The following CSMD1 variants were observed in gnomAD, a reference collection of about 807,000 sequenced individuals.
CSMD1 encodes the protein CUB and Sushi multiple domains 1.
In CSMD1, 213 loss-of-function variants were observed where a neutral mutation model predicts 417.5. The ratio of observed to expected loss-of-function variants is 0.51; its 90% confidence interval spans 0.46 to 0.57. CSMD1 has a LOEUF of 0.57. CSMD1 is among the 20% of genes least tolerant of loss of function. The probability of loss-of-function intolerance (pLI) is 0.00; values close to 1 mark genes in which losing one functional copy is unlikely to be tolerated. For synonymous variants in CSMD1, 2,862 were observed against 1,736.8 expected (o/e 1.65, Z -16.11); for missense variants, 6,923 against 4,529.7 (o/e 1.53, Z -15.17).
At chr8:3,749,611 T>C (rs12680606) in intron 6 of CSMD1, among the ~76,000 whole-genome samples, 34,634 of 152,120 alleles carry the variant, frequency 0.23, 4,455 homozygotes, top group South Asian at 0.38. Flanking sequence ...AATATATTAT[T>C]TGTCTTTGAG....
At chr8:4,066,171 A>T (rs945054906) in intron 3 of CSMD1, among the ~76,000 whole-genome samples, 2 of 152,174 alleles carry the variant, frequency 1.3e-5, no homozygotes, top group African/African-American at 4.8e-5. Flanking sequence ...ATTTCTAAAG[A>T]TTCACATTCA....
chr8:3,512,361 G>A (rs1347246401), intron 10 of CSMD1, among the ~76,000 whole-genome samples: 1 of 152,158 alleles, frequency 6.6e-6, no homozygotes, highest in Non-Finnish European at 1.5e-5. Context: ...ACAGACTTCA[G>A]CTCAGAAATT....
At chr8:4,168,793 C>T (rs1797602182) in intron 3 of CSMD1, among the ~76,000 whole-genome samples, 1 of 152,056 alleles carries the variant, frequency 6.6e-6, no homozygotes, top group Admixed American at 6.6e-5. Context: ...TCTCCTCTTC[C>T]CTTTCATTTT....
At chr8:4,108,195 A>G (rs897612888) in intron 3 of CSMD1, among the ~76,000 whole-genome samples, 3 of 152,116 alleles carry the variant, frequency 2.0e-5, no homozygotes, top group Non-Finnish European at 4.4e-5. Context: ...ACTCTATGGG[A>G]AACAAATCAA....
intron 10 of CSMD1, among the ~76,000 whole-genome samples, chr8:3,547,448 G>T (rs1278494043): frequency 6.6e-6 from 1 of 152,082 alleles, no homozygotes; most frequent in African/African-American, 2.4e-5. Context: ...ATGTATAAAC[G>T]GATCAGTAGG....
chr8:3,639,382 A>T (rs572248722), intron 7 of CSMD1, among the ~76,000 whole-genome samples: 1 of 152,348 alleles, frequency 6.6e-6, no homozygotes, highest in East Asian at 1.9e-4. Flanking sequence ...TGAATGAGTG[A>T]GGGTTCATCA....
chr8:3,216,675 A>G (rs776866184), intron 29 of CSMD1, among the ~76,000 whole-genome samples: 1 of 152,144 alleles, frequency 6.6e-6, no homozygotes, highest in African/African-American at 2.4e-5. Context: ...TTTGCTTACA[A>G]TTTGCCAGGC....
intron 2 of CSMD1, among the ~76,000 whole-genome samples, chr8:4,531,251 G>C (rs905753606): frequency 1.3e-5 from 2 of 152,126 alleles, no homozygotes; most frequent in African/African-American, 4.8e-5. Context: ...TCTCCTTACA[G>C]GCCATATGAC....
intron 1 of CSMD1, among the ~76,000 whole-genome samples, chr8:4,795,918 G>A (rs144585474): frequency 1.9e-3 from 290 of 152,280 alleles, no homozygotes; most frequent in African/African-American, 6.6e-3. Context: ...GCCACTAAGG[G>A]AAATACTCAA....
chr8:3,695,087 C>CGTGTGTGTGTGTGTGTGTGTGTGT (rs1276176981), intron 7 of CSMD1, among the ~76,000 whole-genome samples: 54 of 145,592 alleles, frequency 3.7e-4, no homozygotes, highest in East Asian at 6.2e-4. Flanking sequence ...GGAGGCCCTG[C>CGTGTGTGTGTGTGTGTGTGTGTGT]GTGTGTGTGT....
chr8:4,800,258 A>G (rs1044864095), intron 1 of CSMD1, among the ~76,000 whole-genome samples: 8 of 151,872 alleles, frequency 5.3e-5, no homozygotes, highest in Non-Finnish European at 5.9e-5. Flanking sequence ...AGCAAAACCC[A>G]ATCGCAACTA....
chr8:4,299,383 G>C (rs1797860076), intron 3 of CSMD1, among the ~76,000 whole-genome samples: 1 of 152,120 alleles, frequency 6.6e-6, no homozygotes, highest in South Asian at 2.1e-4. Flanking sequence ...AGTGATTGTA[G>C]ATAACCAGTC....
chr8:4,384,204 A>G (rs950961306), intron 3 of CSMD1, among the ~76,000 whole-genome samples: 2 of 152,018 alleles, frequency 1.3e-5, no homozygotes, highest in Admixed American at 6.6e-5. Flanking sequence ...TAGAATCACC[A>G]CACTCCTATG....
rs1491382409 is a variant in CSMD1, at chr8:4,312,448, TAC to T, written c.415+107503_415+107504del. ...GCGTATATATATATGCGTATATATA[TAC>T]GTATATATATGCGCGTATATATATA... On this transcript the variant is annotated intron_variant, in intron 3 of 69. Coordinates refer to ENST00000635120, the MANE Select transcript of CSMD1 (RefSeq NM_033225.6). Among the ~76,000 whole-genome samples the T allele has an allele frequency of 4.8e-4, 56 of 117,458 alleles. 3 individuals carry two copies. The highest frequency in any genetic ancestry group is 9.4e-4 in the African/African-American group (19 of 20,170). The allele number at this position is 117,458 out of a possible 152,430, so 77.1% of individuals were successfully genotyped here.
chr8:2,999,259 A>G (rs1807184564), intron 53 of CSMD1, among the ~76,000 whole-genome samples: 1 of 150,302 alleles, frequency 6.7e-6, no homozygotes, highest in South Asian at 2.1e-4. Context: ...GGTTCAAGCA[A>G]TTCTCCTGCT....
At chr8:3,660,365 G>A (rs983806193) in intron 7 of CSMD1, among the ~76,000 whole-genome samples, 65 of 152,142 alleles carry the variant, frequency 4.3e-4, no homozygotes, top group Middle Eastern at 3.4e-3. Flanking sequence ...GATCTTCCCA[G>A]GGACCAGCAC....
At chr8:4,552,780 A>C (rs1486375563) in intron 2 of CSMD1, among the ~76,000 whole-genome samples, 1 of 152,210 alleles carries the variant, frequency 6.6e-6, no homozygotes, top group Admixed American at 6.5e-5. Context: ...AGGGTGGTAA[A>C]GTGCTTTACA....
intron 5 of CSMD1, among the ~76,000 whole-genome samples, chr8:3,804,455 C>T (rs915124796): frequency 2.0e-5 from 3 of 152,080 alleles, no homozygotes; most frequent in Non-Finnish European, 2.9e-5. Context: ...ATTGACATGA[C>T]TTACTATAAT....
At chr8:3,318,288 A>AAAAAATAGAAAATCTCTGTAG (rs1805913737) in intron 23 of CSMD1, among the ~76,000 whole-genome samples, 3 of 152,194 alleles carry the variant, frequency 2.0e-5, no homozygotes, top group Non-Finnish European at 4.4e-5. Context: ...AAAAGTAATG[A>AAAAAATAGAAAATCTCTGTAG]AAAAATAGAA....
Sources: gnomAD v4.1 joint callset for allele counts (sites outside exome capture counted in the v4.1 genomes callset) on GRCh38, gnomAD v4.1.1 for gene constraint, MANE v1.5 for transcripts, NCBI Gene and HGNC (gene_info 2026-07-23, HGNC 2026-07-21) for gene names.